PJA2: variants seen among roughly 807,000 people sequenced by gnomAD.
PJA2 encodes the protein praja ring finger ubiquitin ligase 2.
Under a neutral mutation model 69.3 loss-of-function variants are expected in PJA2, and 25 were observed. The ratio of observed to expected loss-of-function variants is 0.36; its 90% confidence interval spans 0.26 to 0.50. PJA2 has a LOEUF of 0.50. Ranked by LOEUF, PJA2 falls within the 20% of genes least tolerant of loss-of-function variation. The pLI is 0.96. For synonymous variants in PJA2, 308 were observed against 277.8 expected (o/e 1.11, Z -1.08); for missense variants, 809 against 830.2 (o/e 0.97, Z 0.31).
At chr5:109,358,619 A>G (rs1263372125) in intron 6 of PJA2, among the ~76,000 whole-genome samples, 1 of 152,180 alleles carries the variant, frequency 6.6e-6, no homozygotes, top group African/African-American at 2.4e-5. Context: ...CAGGAGTTCA[A>G]GACCAGCCTG....
At chr5:109,378,092 C>T (rs1746934507) in intron 4 of PJA2, 112 bp downstream of exon 4, 2 of 730,328 alleles carry the variant, frequency 2.7e-6, no homozygotes, top group Non-Finnish European at 4.4e-6. Context: ...TTTGGTAAGT[C>T]AAAATGTCTA....
intron 7 of PJA2, among the ~76,000 whole-genome samples, chr5:109,354,552 CG>C (rs1288627884): frequency 2.3e-5 from 3 of 129,794 alleles, no homozygotes; most frequent in East Asian, 4.3e-4. Context: ...ATATCTATAT[CG>C]ATATTAGATA....
rs746894966 is a variant in PJA2 at position 109,344,754 on chromosome 5, C to T, written c.1830G>A (p.Lys610=). ...TCTCTGGAAGACCATCAATGCTTTC[C>T]TTACTAGCTGGTGGATTGGCCACCT... ...DVEVANPPAS[K]ESIDGLPETL... The change falls in exon 8 of 10, where the codon AAG becomes AAA. Residue 610 remains lysine, a synonymous_variant. Transcript: ENST00000361189. 1.2e-6 allele frequency: 2 copies of T among 1,614,026 alleles called. No homozygotes were observed. The highest frequency in any genetic ancestry group is 8.5e-7 in the Non-Finnish European group (1 of 1,179,970).
chr5:109,385,025 C>G (rs938816734), intron 1 of PJA2, among the ~76,000 whole-genome samples: 1 of 152,142 alleles, frequency 6.6e-6, no homozygotes, highest in Non-Finnish European at 1.5e-5. Context: ...CCATATTGGT[C>G]AGGCTGGTCT....
At chr5:109,382,687 A>T (rs1747078771) in intron 2 of PJA2, among the ~76,000 whole-genome samples, 2 of 152,098 alleles carry the variant, frequency 1.3e-5, no homozygotes. Context: ...GTCTCTACTA[A>T]AAATACAAAA....
chr5:109,351,290 GAAGTA>G (rs1762247488), intron 7 of PJA2, among the ~76,000 whole-genome samples: 1 of 152,028 alleles, frequency 6.6e-6, no homozygotes, highest in African/African-American at 2.4e-5. Context: ...ATGAAAATCA[GAAGTA>G]AATTTATGCT....
At chr5:109,358,882 A>T (rs1461187088) in intron 6 of PJA2, among the ~76,000 whole-genome samples, 1 of 152,204 alleles carries the variant, frequency 6.6e-6, no homozygotes, top group Non-Finnish European at 1.5e-5. Flanking sequence ...ATAGATGCTA[A>T]AACTAGTGGA....
chr5:109,381,255 C>T (rs1339428662), intron 3 of PJA2, among the ~76,000 whole-genome samples: 2 of 152,098 alleles, frequency 1.3e-5, no homozygotes, highest in East Asian at 3.9e-4. Flanking sequence ...GAGGTTATGA[C>T]AACGTAATCA....
At chr5:109,367,373 C>CA (rs60929398) in intron 5 of PJA2, among the ~76,000 whole-genome samples, 26,354 of 150,788 alleles carry the variant, frequency 0.17, 3,482 homozygotes, top group East Asian at 0.36. Context: ...TATTAGTCTA[C>CA]ACTGAAAAAG....
intron 1 of PJA2, among the ~76,000 whole-genome samples, chr5:109,403,194 T>C (rs2127019295): frequency 6.6e-6 from 1 of 152,168 alleles, no homozygotes; most frequent in East Asian, 1.9e-4. Flanking sequence ...TTATAGGCAT[T>C]AAAATAATTA....
chr5:109,342,738 T>C (rs1253874143), intron 9 of PJA2, among the ~76,000 whole-genome samples: 1 of 124,958 alleles, frequency 8.0e-6, no homozygotes, highest in African/African-American at 3.5e-5. Context: ...AGCCGCCCCG[T>C]CCGGGAGGTG....
chr5:109,373,013 G>A (rs1455517085), intron 4 of PJA2, among the ~76,000 whole-genome samples: 1 of 151,160 alleles, frequency 6.6e-6, no homozygotes, highest in East Asian at 1.9e-4. Context: ...AGAATTGCTT[G>A]AACCCAGGAG....
Position 109,378,255 on chromosome 5 carries a change from A to G in PJA2, c.1232T>C (p.Phe411Ser). 3.1e-6 allele frequency: 5 copies of G among 1,613,866 alleles called. No homozygotes were observed. Among genetic ancestry groups the G allele is most frequent in the Non-Finnish European group, 4.2e-6 (5 of 1,179,830 alleles). Residue 411 changes from phenylalanine (F) to serine (S), a missense_variant, in exon 4 of 10, where the codon TTT becomes TCT. Physicochemically the swap from Phe to Ser is radical, Grantham distance 155. Coordinates refer to ENST00000361189, the MANE Select transcript of PJA2 (RefSeq NM_014819.5). ...TAGRQEVDNT[F>S]WNGCGDYYQL... ...GTAATAATCTCCACAGCCATTCCAA[A>G]AGGTGTTATCCACCTCTTGCCTTCC...
chr5:109,402,957 A>G lies in PJA2; in HGVS notation c.-88+6885T>C, dbSNP rs568944712. Among the ~76,000 whole-genome samples, 20 of 152,246 alleles carry G rather than the reference A, an allele frequency of 1.3e-4. No homozygotes were observed. In the Middle Eastern group the frequency reaches 0.01, roughly 78 times the overall value. On this transcript the variant is annotated intron_variant, in intron 1 of 9. Transcript: ENST00000361189. The stretch of plus-strand genomic sequence containing the variant: ...AGGAAAAGAAAAAAGGTCTCAAGTC[A>G]ATGACCTAAGCTTACACCTTAATAA...
chr5:109,373,514 G>T (rs1334900668), intron 4 of PJA2, among the ~76,000 whole-genome samples: 2 of 152,148 alleles, frequency 1.3e-5, no homozygotes, highest in Non-Finnish European at 2.9e-5. Context: ...CATTAGGAGT[G>T]ACAGGAGTAC....
chr5:109,344,204 T>C lies in PJA2; in HGVS notation c.1987A>G (p.Ile663Val), dbSNP rs1465960065. ...CTATCACTCACCTTTTGTAGCCAAA[T>C]TGAGACACAAGGTTTGTGAAAGAAA... ...HHFFHKPCVS[I>V]WLQKSGTCPV... The change falls in exon 9 of 10, where the codon ATT (isoleucine) becomes GTT (valine). Residue 663 changes from isoleucine to valine, a missense_variant. By Grantham distance (29) the Ile-to-Val change is conservative. Around this residue, in one of 4 missense-constraint regions of PJA2, gnomAD observed 19 missense variants for 62.9 expected, o/e 0.30. Coordinates refer to ENST00000361189, the MANE Select transcript of PJA2 (RefSeq NM_014819.5). 8 of 1,603,276 alleles carry C rather than the reference T, an allele frequency of 5.0e-6. No individual in the cohort carries two copies. Among genetic ancestry groups the C allele is most frequent in the East Asian group, 4.5e-5 (2 of 44,614 alleles).
chr5:109,370,325 T>C (rs1762656042), intron 4 of PJA2, among the ~76,000 whole-genome samples: 1 of 152,180 alleles, frequency 6.6e-6, no homozygotes, highest in African/African-American at 2.4e-5. Flanking sequence ...TGGTAGGAAA[T>C]TACATTTTTT....
chr5:109,350,474 C>T (rs898551856), intron 7 of PJA2, among the ~76,000 whole-genome samples: 13 of 152,002 alleles, frequency 8.6e-5, no homozygotes, highest in African/African-American at 1.9e-4. Flanking sequence ...TTTTAAAGAA[C>T]GAAGATAGTA....
rs1561370465 is a variant in PJA2 at position 109,409,947 on chromosome 5, T to TTC, written c.-194_-193insGA. 1.1e-4 allele frequency: 23 copies of TTC among 210,260 alleles called. No homozygotes were observed. Among genetic ancestry groups the TTC allele is most frequent in the Non-Finnish European group, 1.9e-5 (2 of 106,272 alleles). 13.0% of individuals were successfully genotyped at this position (210,260 alleles called of 1,614,324 possible). On this transcript the variant is annotated 5_prime_UTR_variant, in exon 1 of 10. Transcript: ENST00000361189. The stretch of plus-strand genomic sequence containing the variant: ...CCTCCCCCGCCGAACGCGAAGCGGC[T>TTC]GGCGGCTGTGGCGGCGGCGGCGGCG...
Sources: gnomAD v4.1 joint callset for allele counts (sites outside exome capture counted in the v4.1 genomes callset) on GRCh38, gnomAD v4.1.1 for gene constraint, gnomAD v4.1.1 regional missense constraint, MANE v1.5 for transcripts, NCBI Gene and HGNC (gene_info 2026-07-23, HGNC 2026-07-21) for gene names.